CACNA1A: variants seen among roughly 807,000 people sequenced by gnomAD.
The protein encoded by CACNA1A is voltage-dependent P/Q-type calcium channel subunit alpha-1A.
A neutral mutation model predicts 262.4 loss-of-function variants in CACNA1A; 57 were observed. The ratio of observed to expected loss-of-function variants is 0.22; its 90% CI spans 0.18 to 0.27. The LOEUF (loss-of-function observed/expected upper bound fraction) is 0.27, where lower values mean the gene tolerates loss of function less well. Among genes scored for constraint, CACNA1A ranks in the 10% least tolerant of loss-of-function variants. The pLI, the probability that CACNA1A is intolerant of heterozygous loss-of-function variation, is 1.00. For missense variants in CACNA1A, 2,526 were observed against 3,562.8 expected (o/e 0.71, Z 7.41); for synonymous variants, 1,431 against 1,419.3 (o/e 1.01, Z -0.18).
chr19:13,264,470 A>G (rs75589622), intron 24 of CACNA1A, among the ~76,000 whole-genome samples: 12,145 of 152,306 alleles, frequency 0.08, 756 homozygotes, highest in East Asian at 0.38. Flanking sequence ...CTTCTGGAGC[A>G]CGTGAATTCT....
At chr19:13,226,779 C>T (rs1360774525) in intron 37 of CACNA1A, among the ~76,000 whole-genome samples, 2 of 152,150 alleles carry the variant, frequency 1.3e-5, no homozygotes, top group African/African-American at 4.8e-5. Flanking sequence ...GGTCCAGCTG[C>T]GGCCGCCTGC....
At chr19:13,320,334 T>G (rs2058228503) in intron 10 of CACNA1A, among the ~76,000 whole-genome samples, 1 of 151,538 alleles carries the variant, frequency 6.6e-6, no homozygotes, top group Non-Finnish European at 1.5e-5. Context: ...ACTGAAAACC[T>G]GGCTTAATCA....
chr19:13,396,345 T>C (rs1449527770), intron 3 of CACNA1A, among the ~76,000 whole-genome samples: 2 of 152,120 alleles, frequency 1.3e-5, no homozygotes, highest in African/African-American at 4.8e-5. Context: ...GCCTAGAGAG[T>C]CTCCTCCCTA....
chr19:13,233,895 A>G (rs149410183), intron 34 of CACNA1A, among the ~76,000 whole-genome samples: 2,737 of 152,178 alleles, frequency 0.018, 47 homozygotes, highest in Non-Finnish European at 0.023. Flanking sequence ...AAAGTGCTTA[A>G]AATGTCTCTT....
intron 30 of CACNA1A, among the ~76,000 whole-genome samples, chr19:13,251,312 T>G (rs1409572587): frequency 2.6e-5 from 4 of 151,740 alleles, no homozygotes; most frequent in African/African-American, 4.8e-5. Flanking sequence ...TGAAACCCCA[T>G]CTCTACTAAA....
At chr19:13,413,449 G>A (rs2060152231) in intron 3 of CACNA1A, among the ~76,000 whole-genome samples, 1 of 151,196 alleles carries the variant, frequency 6.6e-6, no homozygotes, top group Non-Finnish European at 1.5e-5. Flanking sequence ...GCACATGCCT[G>A]TAGTCCCAGC....
At chr19:13,218,927 T>A (rs779383053) in intron 38 of CACNA1A, among the ~76,000 whole-genome samples, 5 of 152,128 alleles carry the variant, frequency 3.3e-5, no homozygotes, top group Admixed American at 6.6e-5. Flanking sequence ...AGAGACGGGG[T>A]TTCGCCATGT....
intron 34 of CACNA1A, among the ~76,000 whole-genome samples, chr19:13,233,680 G>A (rs1335165104): frequency 3.3e-5 from 5 of 151,868 alleles, no homozygotes; most frequent in African/African-American, 4.8e-5. Flanking sequence ...TTGTAGAGAC[G>A]GGGTCTCACT....
At chr19:13,254,652 G>A (rs1170870081) in intron 29 of CACNA1A, among the ~76,000 whole-genome samples, 2 of 152,080 alleles carry the variant, frequency 1.3e-5, no homozygotes, top group East Asian at 3.9e-4. Context: ...ATGAGCCACC[G>A]CGCCCAGCCC....
intron 28 of CACNA1A, among the ~76,000 whole-genome samples, chr19:13,255,724 T>TCTCCCTCCCTCCCTCCTTCC (rs1448289221): frequency 2.4e-4 from 6 of 24,806 alleles, no homozygotes; most frequent in Admixed American, 4.3e-4. Flanking sequence ...TCCCTCCTTC[T>TCTCCCTCCCTCCCTCCTTCC]CTCCCTCCCT....
chr19:13,318,085 C>G (rs1302689841), intron 10 of CACNA1A, among the ~76,000 whole-genome samples: 3 of 152,108 alleles, frequency 2.0e-5, no homozygotes, highest in Non-Finnish European at 4.4e-5. Context: ...GAGTTTGACA[C>G]CAGCCTGGGC....
intron 27 of CACNA1A, 185 bp from the exon 28 acceptor site, chr19:13,257,736 A>C (rs2056610369): frequency 2.2e-6 from 1 of 445,950 alleles, no homozygotes; most frequent in Non-Finnish European, 4.0e-6. Context: ...TTATTTCTTA[A>C]TTTTAATTTT....
Position 13,224,995 on chromosome 19 carries a change from CT to C in CACNA1A, c.5626-224del, listed in dbSNP as rs752545831. On this transcript the variant is annotated intron_variant, in intron 37 of 46. Transcript: ENST00000360228. ...TGTACTTCTGGTCCCCTGCCCTCTC[CT>C]TTTTTCCCCCACCTGCTTGACCTGA... 1.9e-3 allele frequency: 860 copies of C among 453,974 alleles called. 3 individuals carry two copies. The highest frequency in any genetic ancestry group is 2.7e-3 in the Admixed American group (77 of 28,030). 28.1% of individuals were successfully genotyped at this position (453,974 alleles called of 1,614,324 possible). A position where few individuals can be genotyped will look rare whatever the true frequency, so the allele number is the denominator to read the frequency against.
chr19:13,438,744 T>C (rs1336568300), intron 3 of CACNA1A, among the ~76,000 whole-genome samples: 1 of 152,196 alleles, frequency 6.6e-6, no homozygotes, highest in Non-Finnish European at 1.5e-5. Context: ...CACTGGGTCT[T>C]GGGGATTGTT....
chr19:13,291,633 TAAAA>T, intron 19 of CACNA1A, among the ~76,000 whole-genome samples: 1 of 97,352 alleles, frequency 1.0e-5, no homozygotes, highest in African/African-American at 4.1e-5. Flanking sequence ...ACCCCATCTC[TAAAA>T]AAAAAAAAAA....
intron 33 of CACNA1A, 43 bp downstream of exon 33, chr19:13,235,166 C>A: frequency 6.3e-7 from 1 of 1,598,342 alleles, no homozygotes; most frequent in Non-Finnish European, 8.6e-7. Flanking sequence ...GGGTGGCTGC[C>A]CTCCTTGGGA....
intron 38 of CACNA1A, among the ~76,000 whole-genome samples, chr19:13,220,520 A>T (rs2055181790): frequency 6.6e-6 from 1 of 152,176 alleles, no homozygotes; most frequent in Non-Finnish European, 1.5e-5. Context: ...ATGAACCTGG[A>T]AGTAGATTCT....
chr19:13,421,246 A>T (rs376346246), intron 3 of CACNA1A, among the ~76,000 whole-genome samples: 5 of 151,170 alleles, frequency 3.3e-5, no homozygotes, highest in South Asian at 2.1e-4. Flanking sequence ...GAGAGAAATT[A>T]TTTTTTTTTC....
At chr19:13,495,498 C>T (rs370903693) in intron 1 of CACNA1A, among the ~76,000 whole-genome samples, 8 of 152,044 alleles carry the variant, frequency 5.3e-5, no homozygotes, top group African/African-American at 1.9e-4. Flanking sequence ...GGGCTTCACC[C>T]TGTTAGCCAG....
Sources: gnomAD v4.1 joint callset for allele counts (sites outside exome capture counted in the v4.1 genomes callset) on GRCh38, gnomAD v4.1.1 for gene constraint, MANE v1.5 for transcripts, NCBI Gene and HGNC (gene_info 2026-07-23, HGNC 2026-07-21) for gene names.